Variants in MYO3B observed in about 807,000 individuals in gnomAD.
MYO3B encodes the protein myosin IIIB.
A neutral mutation model predicts 174.6 loss-of-function variants in MYO3B; 156 were observed. That is an observed-to-expected ratio of 0.89 (90% CI 0.78 to 1.02). MYO3B has a LOEUF of 1.02. Among genes scored for constraint, MYO3B ranks in the 50% least tolerant of loss-of-function variants. MYO3B has a pLI of 0.00. For missense variants in MYO3B, 1,632 were observed against 1,639.4 expected (o/e 1.00, Z 0.08); for synonymous variants, 563 against 569.1 (o/e 0.99, Z 0.15).
intron 14 of MYO3B, among the ~76,000 whole-genome samples, chr2:170,387,668 T>C (rs2094386067): frequency 6.6e-6 from 1 of 152,222 alleles, no homozygotes; most frequent in South Asian, 2.1e-4. Context: ...ATGTTAATTT[T>C]TTCCTTAGAT....
Position 170,649,073 on chromosome 2 carries a change from TTA to T in MYO3B, c.3734-2548_3734-2547del, listed in dbSNP as rs1325604217. Among the ~76,000 whole-genome samples, 190 of 57,104 alleles carry T rather than the reference TTA, an allele frequency of 3.3e-3. 5 individuals are homozygous for T. In the East Asian group the frequency reaches 0.036, roughly 11 times the overall value. The allele number at this position is 57,104 out of a possible 152,430, so 37.5% of individuals were successfully genotyped here. ...TATATAAAATAATATATAATGTATA[TTA>T]TATATAAAATAATATATAATGTATA... On this transcript the variant is annotated intron_variant, in intron 32 of 34. Transcript: ENST00000408978.
chr2:170,584,457 T>G (rs1693368967), intron 32 of MYO3B, among the ~76,000 whole-genome samples: 1 of 152,260 alleles, frequency 6.6e-6, no homozygotes, highest in African/African-American at 2.4e-5. Flanking sequence ...CTTGAGCCTG[T>G]GGAGATGAAG....
At chr2:170,299,906 T>C (rs2093654563) in intron 7 of MYO3B, among the ~76,000 whole-genome samples, 1 of 152,214 alleles carries the variant, frequency 6.6e-6, no homozygotes, top group African/African-American at 2.4e-5. Flanking sequence ...TTCCAAGTAT[T>C]AGAAAGCATT....
intron 7 of MYO3B, among the ~76,000 whole-genome samples, chr2:170,239,941 A>G (rs1039003689): frequency 6.6e-6 from 1 of 152,164 alleles, no homozygotes; most frequent in Non-Finnish European, 1.5e-5. Flanking sequence ...CTAAGTAAGA[A>G]TCCGTCTTTG....
chr2:170,381,924 G>C, intron 9 of MYO3B, 92 bp from the exon 10 acceptor site: 4 of 1,032,994 alleles, frequency 3.9e-6, no homozygotes, highest in Non-Finnish European at 3.0e-6. Flanking sequence ...AACATATCAC[G>C]TGATAAGATT....
At chr2:170,455,904 C>T (rs919948530) in intron 23 of MYO3B, among the ~76,000 whole-genome samples, 1 of 152,116 alleles carries the variant, frequency 6.6e-6, no homozygotes, top group African/African-American at 2.4e-5. Flanking sequence ...GTTAGACAGA[C>T]AATGGTTTTG....
At chr2:170,634,957 AAAC>A (rs1697338682) in intron 32 of MYO3B, among the ~76,000 whole-genome samples, 1 of 151,950 alleles carries the variant, frequency 6.6e-6, no homozygotes, top group African/African-American at 2.4e-5. Context: ...ATTAAAAAGG[AAAC>A]AACAGGTGCT....
At chr2:170,522,726 G>T (rs1016769117) in intron 30 of MYO3B, among the ~76,000 whole-genome samples, 1 of 152,074 alleles carries the variant, frequency 6.6e-6, no homozygotes, top group Non-Finnish European at 1.5e-5. Flanking sequence ...TGTTCTACCG[G>T]TGCACCTTCC....
intron 18 of MYO3B, 101 bp downstream of exon 18, chr2:170,401,792 C>CTTTTTTTTTTTTTTTTTTT (rs1558964945): frequency 2.5e-6 from 2 of 802,074 alleles, no homozygotes; most frequent in African/African-American, 3.8e-5. Flanking sequence ...CTGGGATTTT[C>CTTTTTTTTTTTTTTTTTTT]TTTCTTTTTC....
chr2:170,238,981 C>G (rs966347896), intron 7 of MYO3B, among the ~76,000 whole-genome samples: 18 of 152,190 alleles, frequency 1.2e-4, no homozygotes, highest in African/African-American at 4.3e-4. Context: ...TGCAAACACA[C>G]AGAAATTACC....
intron 26 of MYO3B, 26 bp downstream of exon 26, chr2:170,498,729 T>G (rs1171630873): frequency 9.2e-6 from 13 of 1,420,300 alleles, no homozygotes; most frequent in Non-Finnish European, 1.3e-5. Flanking sequence ...TTGTTCAAAT[T>G]GTCCCGTATG....
chr2:170,634,008 G>C (rs1362483066), intron 32 of MYO3B, among the ~76,000 whole-genome samples: 1 of 152,124 alleles, frequency 6.6e-6, no homozygotes, highest in African/African-American at 2.4e-5. Context: ...TCATGGATAG[G>C]AAGAATCAAT....
chr2:170,620,957 C>T (rs548932281), intron 32 of MYO3B, among the ~76,000 whole-genome samples: 5 of 152,040 alleles, frequency 3.3e-5, no homozygotes, highest in Admixed American at 2.0e-4. Flanking sequence ...GGCGGGATCT[C>T]GGCTCACTGC....
intron 32 of MYO3B, among the ~76,000 whole-genome samples, chr2:170,635,265 T>C (rs938351600): frequency 1.3e-5 from 2 of 152,218 alleles, no homozygotes; most frequent in South Asian, 2.1e-4. Flanking sequence ...ATATACACCA[T>C]GGAATACTAT....
At chr2:170,537,398 G>A (rs148799070) in intron 30 of MYO3B, among the ~76,000 whole-genome samples, 6 of 141,222 alleles carry the variant, frequency 4.2e-5, no homozygotes, top group African/African-American at 1.3e-4. Context: ...TGGTTTTACT[G>A]CTGCTTCTTG....
At chr2:170,454,398 G>A (rs1683790479) in intron 23 of MYO3B, among the ~76,000 whole-genome samples, 2 of 152,184 alleles carry the variant, frequency 1.3e-5, no homozygotes, top group Admixed American at 1.3e-4. Flanking sequence ...GACACACCCT[G>A]CAATACGGCT....
chr2:170,329,250 TG>T (rs1358353841), intron 7 of MYO3B, among the ~76,000 whole-genome samples: 1 of 151,158 alleles, frequency 6.6e-6, no homozygotes, highest in African/African-American at 2.5e-5. Context: ...TGTGTGTGTG[TG>T]TGTGTGTGTA....
chr2:170,189,610 G>C (rs545444929), intron 1 of MYO3B, among the ~76,000 whole-genome samples: 12 of 151,964 alleles, frequency 7.9e-5, no homozygotes, highest in African/African-American at 2.7e-4. Flanking sequence ...CAATTCTGCT[G>C]TTGAGACTCT....
chr2:170,264,913 T>G (rs1263687127), intron 7 of MYO3B, among the ~76,000 whole-genome samples: 3 of 152,024 alleles, frequency 2.0e-5, no homozygotes, highest in Admixed American at 1.3e-4. Flanking sequence ...AGCTTGTCAG[T>G]GAAAAGGGAA....
Sources: gnomAD v4.1 joint callset for allele counts (sites outside exome capture counted in the v4.1 genomes callset) on GRCh38, gnomAD v4.1.1 for gene constraint, MANE v1.5 for transcripts, NCBI Gene and HGNC (gene_info 2026-07-23, HGNC 2026-07-21) for gene names.